Variants in TEX9 observed in about 807,000 individuals in gnomAD.
The protein encoded by TEX9 is testis-expressed protein 9.
In TEX9, 74 loss-of-function variants were observed where a neutral mutation model predicts 59.6. The ratio of observed to expected loss-of-function variants is 1.24; its 90% CI spans 1.03 to 1.51. The LOEUF (loss-of-function observed/expected upper bound fraction) is 1.51, where lower values mean the gene tolerates loss of function less well. Among genes scored for constraint, TEX9 ranks in the 40% most tolerant of loss-of-function variants. TEX9 has a pLI of 0.00. For synonymous variants in TEX9, 186 were observed against 152.2 expected, an observed-to-expected ratio of 1.22 and a Z score of -1.64; for missense variants, 522 against 447.8, an observed-to-expected ratio of 1.17 and a Z score of -1.49.
At chr15:56,377,491 A>G (rs1357213171) in intron 3 of TEX9, among the ~76,000 whole-genome samples, 1 of 152,014 alleles carries the variant, frequency 6.6e-6, no homozygotes, top group Non-Finnish European at 1.5e-5. Context: ...GTTAACTCCT[A>G]GGTATTTTAT....
intron 1 of TEX9, among the ~76,000 whole-genome samples, chr15:56,331,668 A>G (rs1596096012): frequency 6.6e-6 from 1 of 152,140 alleles, no homozygotes; most frequent in Non-Finnish European, 1.5e-5. Flanking sequence ...CTAAGAGGGA[A>G]TTTTATAGCC....
At chr15:56,311,988 GTTGT>G (rs1279738040) in intron 1 of TEX9, among the ~76,000 whole-genome samples, 7 of 151,140 alleles carry the variant, frequency 4.6e-5, no homozygotes, top group Middle Eastern at 3.4e-3. Flanking sequence ...TTTTGATGGG[GTTGT>G]TTGTTTTTTT....
the TEX9 span, among the ~76,000 whole-genome samples, chr15:56,455,696 T>C: frequency 6.6e-6 from 1 of 152,170 alleles, no homozygotes; most frequent in Non-Finnish European, 1.5e-5. Flanking sequence ...AATAGTGTCC[T>C]GTCATCTGGA....
chr15:56,388,537 T>C lies in TEX9; in HGVS notation c.312+17T>C. On this transcript the variant is annotated intron_variant, in intron 5 of 12. Transcript: ENST00000352903. ...GAAACTAAGGTATGAAATCAAACTT[T>C]CTGTGAATGCAATTATATTCTGTAG... The C allele has an allele frequency of 6.2e-7, 1 of 1,604,696 alleles. No homozygotes were observed. Among genetic ancestry groups the C allele is most frequent in the Non-Finnish European group, 8.5e-7 (1 of 1,172,356 alleles).
chr15:56,286,231 G>A (rs1336590941), intron 1 of TEX9, among the ~76,000 whole-genome samples: 1 of 136,178 alleles, frequency 7.3e-6, no homozygotes, highest in Admixed American at 7.5e-5. Context: ...TAAGCCCTCA[G>A]GAAAACTTAA....
At chr15:56,361,392 A>C (rs1318444998), upstream of TEX9, among the ~76,000 whole-genome samples, 10 of 152,190 alleles carry the variant, frequency 6.6e-5, no homozygotes, top group Non-Finnish European at 1.5e-4. Context: ...TTGATAAGTT[A>C]TATTTCAAAT....
chr15:56,365,783 A>G, intron 2 of TEX9, 113 bp downstream of exon 2: 6 of 1,496,716 alleles, frequency 4.0e-6, no homozygotes, highest in Non-Finnish European at 5.3e-6. Flanking sequence ...ACTCTGCAGC[A>G]TTCCCTTCTC....
At chr15:56,280,011 T>A (rs563449786) in intron 1 of TEX9, among the ~76,000 whole-genome samples, 12 of 152,226 alleles carry the variant, frequency 7.9e-5, no homozygotes, top group Non-Finnish European at 1.6e-4. Flanking sequence ...TGTGTATTCA[T>A]AAGGGCAAAC....
chr15:56,451,898 T>G, the TEX9 span, among the ~76,000 whole-genome samples: 1 of 152,202 alleles, frequency 6.6e-6, no homozygotes, highest in Non-Finnish European at 1.5e-5. Context: ...ATTACTTACG[T>G]CTAGTTTAAT....
At chr15:56,460,009 A>ATATATAT in the TEX9 span, among the ~76,000 whole-genome samples, 43 of 26,384 alleles carry the variant, frequency 1.6e-3, 5 homozygotes, top group African/African-American at 5.9e-3. Flanking sequence ...AAAAAAAAAA[A>ATATATAT]ATACATATAT....
intron 1 of TEX9, among the ~76,000 whole-genome samples, chr15:56,352,168 A>G (rs1288954586): frequency 2.6e-5 from 4 of 152,220 alleles, no homozygotes; most frequent in African/African-American, 9.6e-5. Flanking sequence ...GTGCAATTTT[A>G]GAAGGAATCC....
intron 1 of TEX9, among the ~76,000 whole-genome samples, chr15:56,284,659 G>A (rs1272996313): frequency 6.6e-6 from 1 of 152,100 alleles, no homozygotes. Context: ...CTCTTTACCA[G>A]TATTTCCAGT....
At chr15:56,345,165 A>G (rs2046447444) in intron 1 of TEX9, among the ~76,000 whole-genome samples, 1 of 151,206 alleles carries the variant, frequency 6.6e-6, no homozygotes, top group Non-Finnish European at 1.5e-5. Context: ...ATTCTGGGAG[A>G]GCTTATCTCC....
chr15:56,350,473 A>C (rs2046556015), intron 1 of TEX9, among the ~76,000 whole-genome samples: 1 of 152,194 alleles, frequency 6.6e-6, no homozygotes, highest in African/African-American at 2.4e-5. Flanking sequence ...AGTAGGCACT[A>C]GTGGTAAGGG....
intron 1 of TEX9, among the ~76,000 whole-genome samples, chr15:56,275,813 T>TA (rs542232572): frequency 1.3e-4 from 20 of 152,134 alleles, no homozygotes; most frequent in African/African-American, 2.6e-4. Context: ...TGTTTAGCTT[T>TA]AAAAAAAATT....
intron 12 of TEX9, among the ~76,000 whole-genome samples, chr15:56,435,555 T>C (rs921412092): frequency 2.0e-5 from 3 of 151,966 alleles, no homozygotes; most frequent in Non-Finnish European, 4.4e-5. Context: ...TATACACACA[T>C]AAATTTGGCA....
At chr15:56,272,607 C>A (rs2044562567) in intron 1 of TEX9, among the ~76,000 whole-genome samples, 1 of 151,998 alleles carries the variant, frequency 6.6e-6, no homozygotes. Flanking sequence ...TATGTTTTTC[C>A]CTTCTCTTGG....
intron 10 of TEX9, among the ~76,000 whole-genome samples, chr15:56,420,116 A>G (rs959928829): frequency 5.9e-5 from 9 of 151,342 alleles, no homozygotes; most frequent in Non-Finnish European, 1.3e-4. Flanking sequence ...CCTGTGGGTC[A>G]TTCCCCCCTC....
At chr15:56,284,677 G>C (rs898127122) in intron 1 of TEX9, among the ~76,000 whole-genome samples, 5 of 152,020 alleles carry the variant, frequency 3.3e-5, no homozygotes, top group African/African-American at 9.7e-5. Context: ...AGTCCTATTT[G>C]ATGGCCCTAC....
Sources: allele counts gnomAD v4.1 joint callset (sites outside exome capture counted in the v4.1 genomes callset), GRCh38; gene constraint gnomAD v4.1.1; transcripts MANE v1.5; gene names NCBI Gene and HGNC (gene_info 2026-07-23, HGNC 2026-07-21).